The following NRG3 variants were observed in gnomAD, a reference collection of about 807,000 sequenced individuals.
The protein encoded by NRG3 is pro-neuregulin-3, membrane-bound isoform.
A neutral mutation model predicts 66.9 loss-of-function variants in NRG3; 31 were observed. That is an observed-to-expected ratio of 0.46 (90% confidence interval 0.35 to 0.63). The LOEUF (loss-of-function observed/expected upper bound fraction) is 0.63. NRG3 is among the 20% of genes least tolerant of loss of function. The probability of loss-of-function intolerance (pLI) is 0.00; values close to 1 mark genes in which losing one functional copy is unlikely to be tolerated. For missense variants in NRG3, 910 were observed against 878.9 expected (o/e 1.04, Z -0.45); for synonymous variants, 393 against 359.4 (o/e 1.09, Z -1.06).
chr10:82,287,216 G>A (rs568093427), intron 1 of NRG3, among the ~76,000 whole-genome samples: 3 of 151,960 alleles, frequency 2.0e-5, no homozygotes, highest in Non-Finnish European at 4.4e-5. Flanking sequence ...GTTCTGTCCC[G>A]GTGATACTGA....
chr10:81,978,452 A>G (rs2060206652), intron 1 of NRG3, among the ~76,000 whole-genome samples: 1 of 152,184 alleles, frequency 6.6e-6, no homozygotes. Context: ...GCTTCAAGAT[A>G]GCCAAGAGGT....
At chr10:82,086,496 C>T (rs2133464396) in intron 1 of NRG3, among the ~76,000 whole-genome samples, 1 of 152,154 alleles carries the variant, frequency 6.6e-6, no homozygotes, top group South Asian at 2.1e-4. Context: ...TTTCTCTCAT[C>T]TCTTTCAGTC....
At chr10:82,255,214 C>T (rs1240588884) in intron 1 of NRG3, among the ~76,000 whole-genome samples, 2 of 152,118 alleles carry the variant, frequency 1.3e-5, no homozygotes, top group Non-Finnish European at 2.9e-5. Context: ...AATCATGGGC[C>T]ATCCTATAAA....
chr10:82,731,051 C>T (rs906570741), intron 2 of NRG3, among the ~76,000 whole-genome samples: 4 of 151,866 alleles, frequency 2.6e-5, no homozygotes, highest in Non-Finnish European at 5.9e-5. Context: ...GCTTTTAAAT[C>T]GAGGGTAGTC....
At chr10:82,229,219 G>A (rs2076326582) in intron 1 of NRG3, 1 of 151,868 alleles carries the variant, frequency 6.6e-6, no homozygotes, top group Non-Finnish European at 1.5e-5. Flanking sequence ...TAAATACCAA[G>A]GTATTAAAAT....
chr10:82,835,653 G>C (rs1043643290), intron 3 of NRG3, among the ~76,000 whole-genome samples: 1 of 152,064 alleles, frequency 6.6e-6, no homozygotes, highest in Non-Finnish European at 1.5e-5. Flanking sequence ...CCTCCATCTT[G>C]TTCCTGTTCT....
intron 1 of NRG3, among the ~76,000 whole-genome samples, chr10:82,116,780 C>T (rs1170547253): frequency 6.6e-6 from 1 of 152,088 alleles, no homozygotes; most frequent in African/African-American, 2.4e-5. Flanking sequence ...CCCAGTTCAC[C>T]CAGTCCATCT....
At chr10:82,335,793 C>A (rs2082355664) in intron 1 of NRG3, among the ~76,000 whole-genome samples, 1 of 152,206 alleles carries the variant, frequency 6.6e-6, no homozygotes, top group Admixed American at 6.5e-5. Context: ...ACATCTTCTA[C>A]ATATATTTTT....
intron 1 of NRG3, among the ~76,000 whole-genome samples, chr10:82,015,054 A>G (rs897707938): frequency 6.6e-6 from 1 of 152,184 alleles, no homozygotes; most frequent in East Asian, 1.9e-4. Context: ...TATATTTCTC[A>G]AGACCACATC....
chr10:82,693,299 G>T (rs914987072), intron 2 of NRG3, among the ~76,000 whole-genome samples: 4 of 152,030 alleles, frequency 2.6e-5, no homozygotes, highest in Non-Finnish European at 5.9e-5. Flanking sequence ...TAACCACATT[G>T]CTAGACTTGA....
rs143446272 is a variant in NRG3, at chr10:82,135,631, A to G, written c.824-223108A>G. 2.7e-3 allele frequency among the ~76,000 whole-genome samples: 406 copies of G among 152,192 alleles called. 1 individual carries two copies. Among genetic ancestry groups the G allele is most frequent in the Non-Finnish European group, 4.6e-3 (311 of 68,010 alleles). ...TTCTGCTTTTGAGAGAGTCTGATGC[A>G]TTCTTGAATATGTCAGTTGAATTTT... On this transcript the variant is annotated intron_variant, in intron 1 of 8. Transcript: ENST00000372141.
chr10:82,163,567 A>G (rs2071778711), intron 1 of NRG3, among the ~76,000 whole-genome samples: 1 of 152,216 alleles, frequency 6.6e-6, no homozygotes, highest in South Asian at 2.1e-4. Flanking sequence ...TCAGGAAGCT[A>G]TAAATGATGG....
chr10:82,718,586 CA>C (rs1473912344), intron 2 of NRG3, among the ~76,000 whole-genome samples: 2 of 152,154 alleles, frequency 1.3e-5, no homozygotes, highest in Non-Finnish European at 2.9e-5. Context: ...GCAACTTGCT[CA>C]AATTATTCCA....
intron 3 of NRG3, among the ~76,000 whole-genome samples, chr10:82,792,805 T>C (rs1004466040): frequency 1.3e-5 from 2 of 151,976 alleles, no homozygotes; most frequent in Non-Finnish European, 2.9e-5. Flanking sequence ...CTCAGCCTCC[T>C]GAGTAGCTGG....
chr10:81,888,787 C>G (rs1235418380), intron 1 of NRG3, among the ~76,000 whole-genome samples: 1 of 152,094 alleles, frequency 6.6e-6, no homozygotes, highest in Non-Finnish European at 1.5e-5. Flanking sequence ...TGTTAAGCCA[C>G]AGTCAGAATG....
chr10:82,257,605 A>G (rs1168437274), intron 1 of NRG3, among the ~76,000 whole-genome samples: 1 of 152,094 alleles, frequency 6.6e-6, no homozygotes, highest in Non-Finnish European at 1.5e-5. Flanking sequence ...CCCCATCTGT[A>G]GAGATATACG....
chr10:82,147,766 A>C (rs1187380260), intron 1 of NRG3, among the ~76,000 whole-genome samples: 2 of 152,164 alleles, frequency 1.3e-5, no homozygotes, highest in Non-Finnish European at 2.9e-5. Flanking sequence ...AGCCTTTACT[A>C]ATTTATTTCT....
chr10:82,065,555 T>C (rs962623009), intron 1 of NRG3, among the ~76,000 whole-genome samples: 63 of 152,158 alleles, frequency 4.1e-4, no homozygotes, highest in African/African-American at 1.4e-3. Context: ...CCCTGGCACA[T>C]AGTACATGTT....
At chr10:82,826,889 A>G (rs149302748) in intron 3 of NRG3, among the ~76,000 whole-genome samples, 1,909 of 152,116 alleles carry the variant, frequency 0.013, 48 homozygotes, top group African/African-American at 0.044. Flanking sequence ...AAACCTGCAC[A>G]TGTACCCCCT....
Sources: gnomAD v4.1 joint callset for allele counts (sites outside exome capture counted in the v4.1 genomes callset) on GRCh38, gnomAD v4.1.1 for gene constraint, MANE v1.5 for transcripts, NCBI Gene and HGNC (gene_info 2026-07-23, HGNC 2026-07-21) for gene names.